The following CDC42BPG variants were observed in gnomAD, a reference collection of about 807,000 sequenced individuals.
CDC42BPG encodes CDC42 binding protein kinase gamma, also known as serine/threonine-protein kinase MRCK gamma.
CDC42BPG carries 157 observed loss-of-function variants against 192.2 expected under a neutral mutation model. The observed-to-expected ratio is 0.82, with a 90% CI of 0.72 to 0.93. The LOEUF (loss-of-function observed/expected upper bound fraction) is 0.93, where lower values mean the gene tolerates loss of function less well. CDC42BPG is among the 40% of genes least tolerant of loss of function. The probability of loss-of-function intolerance (pLI) is 0.00; values close to 1 mark genes in which losing one functional copy is unlikely to be tolerated. For missense variants in CDC42BPG, 1,992 were observed against 2,122.1 expected, an observed-to-expected ratio of 0.94 and a Z score of 1.20; for synonymous variants, 981 against 918.5, an observed-to-expected ratio of 1.07 and a Z score of -1.23.
At chr11:64,827,490 G>A in intron 32 of CDC42BPG, 37 bp downstream of exon 32, 1 of 1,604,546 alleles carries the variant, frequency 6.2e-7, no homozygotes, top group Non-Finnish European at 8.5e-7. Flanking sequence ...CGTGCGCACT[G>A]GGGAACGCAC....
rs1375349746 is a variant in CDC42BPG, at chr11:64,834,274, C to T, written c.2405G>A (p.Gly802Glu). 4.5e-6 allele frequency: 7 copies of T among 1,571,660 alleles called. No individual in the cohort carries two copies. Among genetic ancestry groups the T allele is most frequent in the East Asian group, 2.4e-5 (1 of 42,346 alleles). Residue 802 changes from glycine (G) to glutamate (E), a missense_variant, in exon 20 of 37, where the codon GGG becomes GAG. Coordinates refer to ENST00000342711, the MANE Select transcript of CDC42BPG (RefSeq NM_017525.3). The stretch of plus-strand genomic sequence containing the variant: ...AGTTGGCAGCCACTCACCCACTGGC[C>T]CTCGGGCCCGCAGCTCCTCCCGCAG... Reference protein sequence around the residue: ...AMLREELRARGPVDTKPSNSL... With the variant: ...AMLREELRAREPVDTKPSNSL...
intron 28 of CDC42BPG, among the ~76,000 whole-genome samples, chr11:64,830,651 A>G (rs1306970810): frequency 6.6e-6 from 1 of 152,204 alleles, no homozygotes; most frequent in Non-Finnish European, 1.5e-5. Flanking sequence ...GGACCCGCAC[A>G]ACCTCTCCTG....
intron 15 of CDC42BPG, 39 bp downstream of exon 15, chr11:64,835,461 C>T (rs1363763634): frequency 6.2e-7 from 1 of 1,610,428 alleles, no homozygotes; most frequent in Non-Finnish European, 8.5e-7. Context: ...CCGCCCAGGC[C>T]AGGCCCGGCC....
chr11:64,834,156 G>C (rs1942852678), intron 20 of CDC42BPG, 110 bp downstream of exon 20: 3 of 1,395,570 alleles, frequency 2.1e-6, no homozygotes, highest in African/African-American at 2.8e-5. Flanking sequence ...GCAGAGTCCA[G>C]GAACAGACTC....
In CDC42BPG at chr11:64,832,651, C is replaced by G; in HGVS notation, c.2958G>C (p.Leu986=). The G allele has an allele frequency of 3.7e-6, 6 of 1,613,814 alleles. No homozygotes were observed. The highest frequency in any genetic ancestry group is 5.1e-6 in the Non-Finnish European group (6 of 1,180,004). ...SRLLLFDAPD[L]RLSPPSGALL... ...GGGCCCCACTGGGCGGGCTGAGCCT[C>G]AGGTCAGGGGCGTCAAACAGCAGCA... The change falls in exon 26 of 37, where the codon CTG becomes CTC. Residue 986 remains leucine (L), a synonymous_variant. Transcript: ENST00000342711.
intron 3 of CDC42BPG, 89 bp downstream of exon 3, chr11:64,841,560 CG>C: frequency 9.4e-7 from 1 of 1,068,776 alleles, no homozygotes; most frequent in South Asian, 1.4e-5. Context: ...CAGCCTTGCC[CG>C]CCCCCCCCGC....
Position 64,841,819 on chromosome 11 carries a change from A to G in CDC42BPG, c.246T>C (p.Phe82=), listed in dbSNP as rs1943293984. The G allele has an allele frequency of 6.2e-6, 10 of 1,613,912 alleles. No individual in the cohort carries two copies. Among genetic ancestry groups the G allele is most frequent in the Middle Eastern group, 1.7e-4 (1 of 6,060 alleles). Residue 82 remains phenylalanine, a synonymous_variant, in exon 2 of 37, where the codon TTT becomes TTC. Transcript: ENST00000342711. ...CCCCAGGCCCTTTGCTCACCTCCCC[A>G]AAGGCTCCTCGGCCGATCACCTTCA... ...EILKVIGRGA[F]GEVTVVRQRD...
intron 9 of CDC42BPG, among the ~76,000 whole-genome samples, chr11:64,837,831 C>T (rs1943088543): frequency 6.6e-6 from 1 of 152,236 alleles, no homozygotes; most frequent in Non-Finnish European, 1.5e-5. Context: ...CCCTGCACCT[C>T]TGGCTCTAGG....
Position 64,839,531 on chromosome 11 carries a change from G to A in CDC42BPG, c.622C>T (p.His208Tyr), listed in dbSNP as rs1162327129. 6.2e-7 allele frequency: 1 copy of A among 1,613,192 alleles called. No homozygotes were observed. The highest frequency in any genetic ancestry group is 8.5e-7 in the Non-Finnish European group (1 of 1,179,990). ...GAGCCGAAGTCAGCCAGGCGAATGT[G>A]CCCGTTCACATCCAGCAGGACGTTG... ...PDNVLLDVNG[H>Y]IRLADFGSCL... Residue 208 changes from histidine (H) to tyrosine (Y), a missense_variant, in exon 6 of 37, where the codon CAC becomes TAC. By Grantham distance (83) the His-to-Tyr change is moderately conservative. Coordinates refer to ENST00000342711, the MANE Select transcript of CDC42BPG (RefSeq NM_017525.3).
In CDC42BPG at chr11:64,823,094, T is replaced by C. The variant is rs534758679; in HGVS notation, c.*1379A>G. Among the ~76,000 whole-genome samples the C allele has an allele frequency of 6.7e-6, 1 of 150,128 alleles. No individual in the cohort carries two copies. Among genetic ancestry groups the C allele is most frequent in the African/African-American group, 2.4e-5 (1 of 41,162 alleles). On this transcript the variant is annotated 3_prime_UTR_variant, in exon 37 of 37. Coordinates refer to ENST00000342711, the MANE Select transcript of CDC42BPG (RefSeq NM_017525.3). ...TATTGGTTTCCTTTTCTTTTCTTTTTTTTTTTTTTTGAGACGGAGTCTCAC... is the reference window on the plus strand; with the variant it reads ...TATTGGTTTCCTTTTCTTTTCTTTTCTTTTTTTTTTGAGACGGAGTCTCAC...
At chr11:64,836,717 G>GGA (rs1943023637) in intron 11 of CDC42BPG, 22 bp downstream of exon 11, 12 of 858,644 alleles carry the variant, frequency 1.4e-5, no homozygotes, top group African/African-American at 3.6e-5. Context: ...GGGGGGGGGG[G>GGA]GGGGGTGGGC....
At position 64,823,552 on chromosome 11, in the gene CDC42BPG, G is replaced by A. The variant is rs929146777; in HGVS notation, c.*921C>T. ...TAATGACTGTGATCAATAGTAAAAT[G>A]CGCCCTAGTTTCCAATACACAACTG... On this transcript the variant is annotated 3_prime_UTR_variant, in exon 37 of 37. Transcript: ENST00000342711. 2 of 152,080 alleles carry A rather than the reference G, an allele frequency of 1.3e-5. No homozygotes were observed. Among genetic ancestry groups the A allele is most frequent in the Admixed American group, 6.6e-5 (1 of 15,264 alleles). The allele number at this position is 152,080 out of a possible 1,614,324, so 9.4% of individuals were successfully genotyped here. A position where few individuals can be genotyped will look rare whatever the true frequency, so the allele number is the denominator to read the frequency against.
At position 64,835,108 on chromosome 11, in the gene CDC42BPG, C is replaced by A; in HGVS notation, c.1999G>T (p.Glu667Ter). ...CTCTCCGTCTCCCGCCGCTCACCCT[C>A]CAGCCGCTGCTTGCTCTCCTGCTCC... ...AQEQESKQRLEGERRETESNW... is the reference protein window; with the variant it reads ...AQEQESKQRL The change falls in exon 17 of 37, where the codon GAG becomes TAG. Residue 667 changes from glutamate (E) to a stop codon, truncating the protein, a stop_gained. Transcript: ENST00000342711. LOFTEE classifies it high-confidence loss of function. 1 of 1,602,298 alleles carries A rather than the reference C, an allele frequency of 6.2e-7. No homozygotes were observed. Among genetic ancestry groups the A allele is most frequent in the Non-Finnish European group, 8.5e-7 (1 of 1,179,838 alleles).
chr11:64,837,999 A>G, intron 9 of CDC42BPG, 84 bp downstream of exon 9: 16 of 1,190,330 alleles, frequency 1.3e-5, no homozygotes, highest in Non-Finnish European at 2.0e-5. Flanking sequence ...CCTCCTTCCC[A>G]GGGCCCCAGT....
chr11:64,831,994 A>C (rs777531957), intron 27 of CDC42BPG, among the ~76,000 whole-genome samples: 3 of 152,250 alleles, frequency 2.0e-5, no homozygotes, highest in Non-Finnish European at 4.4e-5. Context: ...CTGAAGCCTG[A>C]GGGACGAGTA....
chr11:64,835,020 C>A, intron 17 of CDC42BPG, 27 bp downstream of exon 17: 1 of 1,581,574 alleles, frequency 6.3e-7, no homozygotes. Flanking sequence ...CCTGCGTTCC[C>A]CACCCCGACC....
Position 64,836,819 on chromosome 11 carries a change from T to G in CDC42BPG, c.1304A>C (p.Glu435Ala), listed in dbSNP as rs750686552. 5 of 1,603,964 alleles carry G rather than the reference T, an allele frequency of 3.1e-6. No homozygotes were observed. The highest frequency in any genetic ancestry group is 4.3e-6 in the Non-Finnish European group (5 of 1,175,132). Residue 435 changes from glutamate (E) to alanine (A), a missense_variant and splice_region_variant, in exon 11 of 37, where the codon GAG (glutamate) becomes GCG (alanine). By Grantham distance (107) the Glu-to-Ala change is moderately radical. Around this residue, in one of 2 missense-constraint regions of CDC42BPG, gnomAD observed 1,656 missense variants for 1,844.3 expected, o/e 0.90. Coordinates refer to ENST00000342711, the MANE Select transcript of CDC42BPG (RefSeq NM_017525.3). ...ATGGTCTGTGGGGGCGTGCAGGGCCTCTGGAGGGGAGGTGGTACCCACAGG... is the reference window on the plus strand; with the variant it reads ...ATGGTCTGTGGGGGCGTGCAGGGCCGCTGGAGGGGAGGTGGTACCCACAGG... ...EKVELSRKHQEALHAPTDHRE... is the reference protein window; with the variant it reads ...EKVELSRKHQAALHAPTDHRE...
chr11:64,834,224 G>A lies in CDC42BPG; in HGVS notation c.2413+42C>T, dbSNP rs952925638. The A allele has an allele frequency of 5.2e-6, 8 of 1,526,706 alleles. No individual in the cohort carries two copies. The African/African-American group carries it at 9.6e-5, about 18-fold the overall frequency. 94.6% of individuals were successfully genotyped at this position (1,526,706 alleles called of 1,614,324 possible). ...GCCCCCTTGGCAAGTGGGAGGCCGC[G>A]GGGGAGCCTGGCTCCGGGGCAAGCA... On this transcript the variant is annotated intron_variant, in intron 20 of 36. Transcript: ENST00000342711.
At position 64,844,647 on chromosome 11, in the gene CDC42BPG, A is replaced by G; in HGVS notation, c.-78T>C. The G allele has an allele frequency of 3.5e-6, 4 of 1,136,926 alleles. No individual in the cohort carries two copies. The highest frequency in any genetic ancestry group is 4.4e-6 in the Non-Finnish European group (4 of 904,424). The allele number at this position is 1,136,926 out of a possible 1,614,324, so 70.4% of individuals were successfully genotyped here. ...GCCTGTCGGGCCGTCCGTCCGCCCA[A>G]CCGTCTGAGGCTCTGTCCGCGCGTC... On this transcript the variant is annotated 5_prime_UTR_variant, in exon 1 of 37. Transcript: ENST00000342711.
Sources: gnomAD v4.1 joint callset for allele counts (sites outside exome capture counted in the v4.1 genomes callset) on GRCh38, gnomAD v4.1.1 for gene constraint, gnomAD v4.1.1 regional missense constraint, MANE v1.5 for transcripts, NCBI Gene and HGNC (gene_info 2026-07-23, HGNC 2026-07-21) for gene names.